Variants in PTPRO observed in about 807,000 individuals in gnomAD.
PTPRO encodes protein tyrosine phosphatase receptor type O.
PTPRO carries 62 observed loss-of-function variants against 145.2 expected under a neutral mutation model. The ratio of observed to expected loss-of-function variants is 0.43; its 90% CI spans 0.35 to 0.53. The LOEUF (loss-of-function observed/expected upper bound fraction) is 0.53. PTPRO is among the 20% of genes least tolerant of loss of function. The pLI, the probability that PTPRO is intolerant of heterozygous loss-of-function variation, is 0.01. For synonymous variants in PTPRO, 565 were observed against 514.7 expected (o/e 1.10, Z -1.32); for missense variants, 1,345 against 1,482.7 (o/e 0.91, Z 1.53).
At chr12:15,455,971 G>T (rs549415280) in intron 1 of PTPRO, among the ~76,000 whole-genome samples, 10 of 152,230 alleles carry the variant, frequency 6.6e-5, no homozygotes, top group African/African-American at 2.4e-4. Flanking sequence ...AAACTTGCAC[G>T]TTCTGCACAT....
intron 12 of PTPRO, among the ~76,000 whole-genome samples, chr12:15,528,330 C>T (rs1326291850): frequency 6.9e-6 from 1 of 145,702 alleles, no homozygotes; most frequent in Non-Finnish European, 1.5e-5. Context: ...TCCTGGCTAA[C>T]ATGGTGAAAC....
chr12:15,432,474 G>GAATATATATA (rs1940469946), intron 1 of PTPRO, among the ~76,000 whole-genome samples: 1 of 152,210 alleles, frequency 6.6e-6, no homozygotes, highest in South Asian at 2.1e-4. Context: ...ATATGTGCAT[G>GAATATATATA]TGTCTTCATG....
chr12:15,327,416 C>T (rs1205776449), intron 1 of PTPRO, among the ~76,000 whole-genome samples: 1 of 152,090 alleles, frequency 6.6e-6, no homozygotes, highest in Non-Finnish European at 1.5e-5. Flanking sequence ...ATTTTTGCCT[C>T]CTCTTCCACA....
chr12:15,427,605 T>C (rs1469010357), intron 1 of PTPRO, among the ~76,000 whole-genome samples: 1 of 151,820 alleles, frequency 6.6e-6, no homozygotes, highest in Non-Finnish European at 1.5e-5. Context: ...TATGGATATG[T>C]ACTTATAAAA....
intron 1 of PTPRO, among the ~76,000 whole-genome samples, chr12:15,458,399 T>G (rs1941227383): frequency 6.6e-6 from 1 of 152,138 alleles, no homozygotes; most frequent in Non-Finnish European, 1.5e-5. Flanking sequence ...TTTGGGTAAT[T>G]TCCAACCATT....
rs1591674515 is a variant in PTPRO at position 15,516,207 on chromosome 12, G to A, written c.1586-556G>A. Among the ~76,000 whole-genome samples the A allele has an allele frequency of 4.0e-5, 6 of 150,294 alleles. No homozygotes were observed. In the South Asian group the frequency reaches 8.4e-4, roughly 21 times the overall value. On this transcript the variant is annotated intron_variant, in intron 8 of 26. Transcript: ENST00000281171. ...GGGTTTCACCGTGTTAGCCAGGATG[G>A]TCTCGATCTGACCTCGTGATCTGCC... is the stretch of plus-strand genomic sequence containing the variant.
chr12:15,560,980 A>G (rs1419242720), intron 17 of PTPRO, among the ~76,000 whole-genome samples: 1 of 152,100 alleles, frequency 6.6e-6, no homozygotes, highest in Non-Finnish European at 1.5e-5. Context: ...TTAATAATCA[A>G]ATCTTGAAGT....
intron 7 of PTPRO, among the ~76,000 whole-genome samples, chr12:15,510,680 C>A (rs1942419296): frequency 1.3e-5 from 2 of 152,270 alleles, no homozygotes; most frequent in South Asian, 4.1e-4. Flanking sequence ...AAAGAGACCA[C>A]CATGCTAGGC....
At chr12:15,347,532 C>G (rs917408674) in intron 1 of PTPRO, among the ~76,000 whole-genome samples, 3 of 152,192 alleles carry the variant, frequency 2.0e-5, no homozygotes, top group African/African-American at 2.4e-5. Flanking sequence ...ATCTGTTACT[C>G]TGTAAGCCTT....
intron 18 of PTPRO, 21 bp from the exon 19 acceptor site, chr12:15,569,396 A>G (rs750665536): frequency 3.8e-6 from 6 of 1,581,398 alleles, no homozygotes; most frequent in Non-Finnish European, 5.2e-6. Flanking sequence ...ATGTATGTAT[A>G]TTTCTTTGTG....
At chr12:15,503,398 T>C (rs919622938) in intron 5 of PTPRO, among the ~76,000 whole-genome samples, 6 of 152,156 alleles carry the variant, frequency 3.9e-5, no homozygotes, top group African/African-American at 1.4e-4. Context: ...AATATTACCA[T>C]GATTATTATT....
At chr12:15,485,731 G>C (rs946968581) in intron 2 of PTPRO, among the ~76,000 whole-genome samples, 1 of 152,238 alleles carries the variant, frequency 6.6e-6, no homozygotes, top group East Asian at 1.9e-4. Flanking sequence ...AAATTTGATA[G>C]GTAAGCAATG....
At chr12:15,464,648 C>G (rs1009167857) in intron 1 of PTPRO, among the ~76,000 whole-genome samples, 26 of 151,848 alleles carry the variant, frequency 1.7e-4, no homozygotes, top group Non-Finnish European at 8.8e-5. Flanking sequence ...TATGAGCCAC[C>G]GTGCCCAGCT....
chr12:15,394,361 C>T lies in PTPRO; in HGVS notation c.75+71560C>T, dbSNP rs1450463444. ...AGAGTAATCTGCTTTATTTCTCTTA[C>T]TGAGAGGGACTGAGGGATCACATCC... On this transcript the variant is annotated intron_variant, in intron 1 of 26. Coordinates refer to ENST00000281171, the MANE Select transcript of PTPRO (RefSeq NM_030667.3). 2.6e-5 allele frequency among the ~76,000 whole-genome samples: 4 copies of T among 152,000 alleles called. No individual in the cohort carries two copies. In the South Asian group the frequency reaches 8.3e-4, roughly 32 times the overall value.
intron 1 of PTPRO, among the ~76,000 whole-genome samples, chr12:15,326,352 A>AG (rs1208842048): frequency 6.6e-6 from 1 of 152,242 alleles, no homozygotes; most frequent in Non-Finnish European, 1.5e-5. Context: ...CATCCCCAGT[A>AG]GGTTGGCAAA....
chr12:15,541,437 GCTAGGGCTGTCA>G (rs1943178289), intron 12 of PTPRO, among the ~76,000 whole-genome samples: 1 of 152,166 alleles, frequency 6.6e-6, no homozygotes, highest in African/African-American at 2.4e-5. Context: ...GTATTAGTTT[GCTAGGGCTGTCA>G]TAGCAAAATA....
intron 1 of PTPRO, among the ~76,000 whole-genome samples, chr12:15,383,139 C>T (rs1398705305): frequency 1.3e-5 from 2 of 152,204 alleles, no homozygotes; most frequent in African/African-American, 4.8e-5. Flanking sequence ...CCATATCCCA[C>T]AGCACCTGGG....
At chr12:15,425,967 A>T in intron 1 of PTPRO, among the ~76,000 whole-genome samples, 1 of 151,868 alleles carries the variant, frequency 6.6e-6, no homozygotes, top group East Asian at 1.9e-4. Flanking sequence ...GGTGGAGTAG[A>T]TTAAATATTG....
intron 1 of PTPRO, among the ~76,000 whole-genome samples, chr12:15,376,263 A>T (rs943883854): frequency 6.6e-6 from 1 of 152,182 alleles, no homozygotes; most frequent in African/African-American, 2.4e-5. Flanking sequence ...CTGATTTCTC[A>T]TCAGAAATCA....
Sources: gnomAD v4.1 joint callset for allele counts (sites outside exome capture counted in the v4.1 genomes callset) on GRCh38, gnomAD v4.1.1 for gene constraint, MANE v1.5 for transcripts, NCBI Gene and HGNC (gene_info 2026-07-23, HGNC 2026-07-21) for gene names.